VRK2: variants seen among roughly 807,000 people sequenced by gnomAD.
VRK2 encodes VRK serine/threonine kinase 2.
In VRK2, 60 loss-of-function variants were observed where a neutral mutation model predicts 57.6. The ratio of observed to expected loss-of-function variants is 1.04; its 90% CI spans 0.85 to 1.29. VRK2 has a LOEUF of 1.29. Ranked by LOEUF, VRK2 falls within the 50% of genes most tolerant of loss-of-function variation. VRK2 has a pLI of 0.00. For missense variants in VRK2, 705 were observed against 588.1 expected, an observed-to-expected ratio of 1.20 and a Z score of -2.06; for synonymous variants, 231 against 199.2, an observed-to-expected ratio of 1.16 and a Z score of -1.35.
intron 5 of VRK2, among the ~76,000 whole-genome samples, chr2:58,087,292 A>T (rs1448929671): frequency 6.6e-6 from 1 of 152,200 alleles, no homozygotes; most frequent in Admixed American, 6.5e-5. Context: ...ATTTAAAAAA[A>T]TGAGCAAACA....
At chr2:57,908,249 A>C (rs1669885798) in intron 1 of VRK2, among the ~76,000 whole-genome samples, 1 of 152,322 alleles carries the variant, frequency 6.6e-6, no homozygotes, top group Admixed American at 6.5e-5. Context: ...ACCACACATC[A>C]CGTATGATTT....
At chr2:58,079,564 GTTTA>G (rs984125617) in intron 2 of VRK2, among the ~76,000 whole-genome samples, 9 of 151,662 alleles carry the variant, frequency 5.9e-5, no homozygotes, top group African/African-American at 2.2e-4. Flanking sequence ...TCATTTATTT[GTTTA>G]TTTATTTACT....
chr2:58,015,290 A>T (rs1558541229), intron 1 of VRK2, among the ~76,000 whole-genome samples: 1 of 152,168 alleles, frequency 6.6e-6, no homozygotes, highest in East Asian at 1.9e-4. Context: ...TCCGCTTTTT[A>T]AATTCAACTA....
chr2:57,953,132 A>G (rs1268212024), intron 1 of VRK2, among the ~76,000 whole-genome samples: 1 of 152,220 alleles, frequency 6.6e-6, no homozygotes, highest in African/African-American at 2.4e-5. Flanking sequence ...TCAAAACTTC[A>G]GAAGATGATG....
chr2:58,081,669 C>T (rs1028533753), intron 2 of VRK2, among the ~76,000 whole-genome samples: 3 of 151,850 alleles, frequency 2.0e-5, no homozygotes, highest in African/African-American at 7.2e-5. Flanking sequence ...GGCATTATAG[C>T]ATTTTAACTC....
chr2:58,058,308 A>G (rs1170384079), intron 2 of VRK2: 1 of 468,302 alleles, frequency 2.1e-6, no homozygotes, highest in Middle Eastern at 3.3e-4. Context: ...GCTGTATTTT[A>G]TCATGAAGAT....
intron 1 of VRK2, among the ~76,000 whole-genome samples, chr2:58,011,709 A>G (rs1466370717): frequency 6.6e-6 from 1 of 152,192 alleles, no homozygotes; most frequent in East Asian, 1.9e-4. Context: ...GCAAACACCA[A>G]GGTTAATACA....
At chr2:57,997,780 A>G (rs1672970616) in intron 1 of VRK2, among the ~76,000 whole-genome samples, 1 of 152,052 alleles carries the variant, frequency 6.6e-6, no homozygotes, top group Non-Finnish European at 1.5e-5. Flanking sequence ...CTGTGGTCCC[A>G]GCTACTCAGG....
intron 2 of VRK2, among the ~76,000 whole-genome samples, chr2:58,080,497 C>T (rs566986331): frequency 7.3e-5 from 11 of 151,408 alleles, no homozygotes; most frequent in Non-Finnish European, 1.0e-4. Context: ...ATTTTTTTTC[C>T]TGTTATTCTG....
intron 1 of VRK2, among the ~76,000 whole-genome samples, chr2:57,929,782 T>C (rs1670659959): frequency 6.6e-6 from 1 of 152,098 alleles, no homozygotes. Context: ...AGGTGACGAA[T>C]CCTTCTAGAA....
chr2:58,129,626 TTTTA>T (rs1162870994), intron 8 of VRK2, among the ~76,000 whole-genome samples: 4 of 152,198 alleles, frequency 2.6e-5, no homozygotes, highest in Admixed American at 1.3e-4. Context: ...GAACATTTGT[TTTTA>T]ATTAATTTAA....
chr2:58,114,784 C>T (rs1234797279), intron 7 of VRK2, among the ~76,000 whole-genome samples: 4 of 152,070 alleles, frequency 2.6e-5, no homozygotes, highest in Middle Eastern at 3.2e-3. Context: ...GAAGGCTAAA[C>T]TGAGGAATTA....
chr2:58,112,298 ATT>A (rs1675685416), intron 7 of VRK2, among the ~76,000 whole-genome samples: 1 of 152,220 alleles, frequency 6.6e-6, no homozygotes, highest in African/African-American at 2.4e-5. Context: ...TAATGAAATA[ATT>A]TGAGAAAGGT....
chr2:58,002,240 G>A (rs1283977998), intron 1 of VRK2, among the ~76,000 whole-genome samples: 1 of 152,172 alleles, frequency 6.6e-6, no homozygotes, highest in Non-Finnish European at 1.5e-5. Flanking sequence ...CAGCACTTTG[G>A]GAGGCTGTGG....
chr2:58,076,106 C>CTTTTTTTTTTTTTTTTTTTT (rs71394406), intron 2 of VRK2, among the ~76,000 whole-genome samples: 1 of 121,818 alleles, frequency 8.2e-6, no homozygotes. Context: ...CTACTGTCTT[C>CTTTTTTTTTTTTTTTTTTTT]TTTTTTTTTT....
At chr2:58,044,048 C>T (rs1199329912), upstream of VRK2, among the ~76,000 whole-genome samples, 1 of 152,086 alleles carries the variant, frequency 6.6e-6, no homozygotes, top group African/African-American at 2.4e-5. Flanking sequence ...AGATTTAGAT[C>T]TTGTATTTAG....
At position 58,159,367 on chromosome 2, in the gene VRK2, CAG is replaced by C. The variant is rs1450008060; in HGVS notation, c.1203_1204del (p.Lys402IlefsTer10). ...TCCATAGGAAAGCACAAGGAGAAGA[CAG>C]AAATATCAAGAGTCTCAAGAACCTT... ...EAAQESTRRR[Q>X]KYQESQEPLN... On this transcript the variant is annotated frameshift_variant, in exon 13 of 13. Coordinates refer to ENST00000340157, the MANE Select transcript of VRK2 (RefSeq NM_006296.7). LOFTEE classifies it low-confidence loss of function (END_TRUNC). The C allele has an allele frequency of 2.5e-6, 4 of 1,607,230 alleles. No homozygotes were observed. The highest frequency in any genetic ancestry group is 3.4e-6 in the Non-Finnish European group (4 of 1,177,564).
At chr2:58,151,703 A>T (rs1179820546) in intron 12 of VRK2, among the ~76,000 whole-genome samples, 1 of 37,866 alleles carries the variant, frequency 2.6e-5, no homozygotes, top group African/African-American at 1.0e-4. Context: ...CTGATTGAGA[A>T]TTTTTTTTTA....
chr2:58,084,047 G>T (rs1197612307), intron 2 of VRK2, 42 bp from the exon 3 acceptor site: 1 of 1,595,892 alleles, frequency 6.3e-7, no homozygotes, highest in South Asian at 1.1e-5. Flanking sequence ...CAGTAATTGG[G>T]AATAACTATT....
Sources: gnomAD v4.1 joint callset for allele counts (sites outside exome capture counted in the v4.1 genomes callset) on GRCh38, gnomAD v4.1.1 for gene constraint, MANE v1.5 for transcripts, NCBI Gene and HGNC (gene_info 2026-07-23, HGNC 2026-07-21) for gene names.